The following GTPBP4 variants were observed in gnomAD, a reference collection of about 807,000 sequenced individuals.
The protein encoded by GTPBP4 is GTP-binding protein 4.
A neutral mutation model predicts 81.7 loss-of-function variants in GTPBP4; 15 were observed. That is an observed-to-expected ratio of 0.18 (90% CI 0.12 to 0.28). The LOEUF (loss-of-function observed/expected upper bound fraction) is 0.28, where lower values mean the gene tolerates loss of function less well. GTPBP4 is among the 10% of genes least tolerant of loss of function. GTPBP4 has a pLI of 1.00. For synonymous variants in GTPBP4, 272 were observed against 274.6 expected (o/e 0.99, Z 0.09); for missense variants, 847 against 793.8 (o/e 1.07, Z -0.81).
chr10:1,009,507 A>G (rs768505303), intron 11 of GTPBP4, 22 bp from the exon 12 acceptor site: 1 of 1,562,622 alleles, frequency 6.4e-7, no homozygotes, highest in East Asian at 2.2e-5. Context: ...GAAGCTGATG[A>G]TAATTTCTCT....
chr10:1,016,947 G>T, intron 16 of GTPBP4, 128 bp from the exon 17 acceptor site: 1 of 648,258 alleles, frequency 1.5e-6, no homozygotes, highest in East Asian at 2.8e-5. Context: ...AGAGAAAAGA[G>T]ATGTAACAGG....
intron 13 of GTPBP4, among the ~76,000 whole-genome samples, chr10:1,011,577 G>T (rs1831874714): frequency 7.0e-6 from 1 of 143,710 alleles, no homozygotes; most frequent in Admixed American, 7.0e-5. Context: ...CTTGCCATCT[G>T]CATGTCCCAT....
chr10:996,883 C>A (rs7918118), intron 4 of GTPBP4: 221,012 of 291,188 alleles, frequency 0.76, 84,649 homozygotes, highest in East Asian at 0.91. Context: ...TGCACTGGTT[C>A]CCTAATGTCA....
In GTPBP4 at chr10:1,010,469, A is replaced by G. The variant is rs772924651; in HGVS notation, c.1293A>G (p.Glu431=). 68 of 1,586,056 alleles carry G rather than the reference A, an allele frequency of 4.3e-5. No individual in the cohort carries two copies. Among genetic ancestry groups the G allele is most frequent in the Non-Finnish European group, 5.4e-5 (62 of 1,154,484 alleles). Residue 431 remains glutamate (E), a synonymous_variant, in exon 13 of 17, where the codon GAA becomes GAG. Transcript: ENST00000360803. ...NLSEKHDKIP[E]IWEGHNIADY... is the part of the protein sequence containing the mutation. ...CTGAAAAACATGATAAGATACCAGAAATCTGGGAAGGCCATAATATAGCTG... is the reference window on the plus strand; with the variant it reads ...CTGAAAAACATGATAAGATACCAGAGATCTGGGAAGGCCATAATATAGCTG...
In GTPBP4 at chr10:1,012,445, T is replaced by C; in HGVS notation, c.1345-20T>C. 1 of 1,570,274 alleles carries C rather than the reference T, an allele frequency of 6.4e-7. No individual in the cohort carries two copies. The highest frequency in any genetic ancestry group is 8.7e-7 in the Non-Finnish European group (1 of 1,150,080). The stretch of plus-strand genomic sequence containing the variant: ...TTTTCTCATTGTTAATTTTGCTTCA[T>C]TACAACTCCATTTTTAAAGAAATTG... On this transcript the variant is annotated intron_variant, in intron 13 of 16. Coordinates refer to ENST00000360803, the MANE Select transcript of GTPBP4 (RefSeq NM_012341.3).
chr10:1,004,405 G>T (rs903540977), intron 8 of GTPBP4, among the ~76,000 whole-genome samples: 1 of 152,114 alleles, frequency 6.6e-6, no homozygotes, highest in African/African-American at 2.4e-5. Flanking sequence ...GCGTGGTGGG[G>T]CAGGTGCCTC....
At chr10:989,349 G>A (rs1831401347) in intron 1 of GTPBP4, among the ~76,000 whole-genome samples, 1 of 152,030 alleles carries the variant, frequency 6.6e-6, no homozygotes, top group Non-Finnish European at 1.5e-5. Flanking sequence ...TCCTGATCCC[G>A]GGTGATCCTC....
chr10:1,004,080 G>A (rs1324462708), intron 8 of GTPBP4, among the ~76,000 whole-genome samples: 1 of 152,170 alleles, frequency 6.6e-6, no homozygotes, highest in Non-Finnish European at 1.5e-5. Flanking sequence ...CTCCAGGGAA[G>A]ACGCACTCTG....
chr10:992,088 G>A (rs1301637941), intron 1 of GTPBP4, among the ~76,000 whole-genome samples: 1 of 151,100 alleles, frequency 6.6e-6, no homozygotes, highest in Non-Finnish European at 1.5e-5. Context: ...ATGTAGTACT[G>A]TAAGATATTA....
In GTPBP4 at chr10:1,010,420, A is replaced by G. The variant is rs963326403; in HGVS notation, c.1244A>G (p.Lys415Arg). ...MGDDYILDLQ[K>R]YWDLMNLSEK... ...GTAACCACCTTTTTTTTAACTTTAG[A>G]GTACTGGGATTTAATGAATTTGTCT... The change falls in exon 13 of 17, where the codon AAG (lysine) becomes AGG (arginine). Residue 415 changes from lysine to arginine, a missense_variant and splice_region_variant. Physicochemically the swap from Lys to Arg is conservative, Grantham distance 26. Coordinates refer to ENST00000360803, the MANE Select transcript of GTPBP4 (RefSeq NM_012341.3). The G allele has an allele frequency of 1.3e-6, 2 of 1,487,602 alleles. No homozygotes were observed. Among genetic ancestry groups the G allele is most frequent in the Non-Finnish European group, 1.9e-6 (2 of 1,065,364 alleles). 92.2% of individuals were successfully genotyped at this position (1,487,602 alleles called of 1,614,324 possible). A position where few individuals can be genotyped will look rare whatever the true frequency, so the allele number is the denominator to read the frequency against.
intron 16 of GTPBP4, 103 bp downstream of exon 16, chr10:1,015,999 C>A: frequency 1.9e-6 from 2 of 1,077,790 alleles, no homozygotes; most frequent in Non-Finnish European, 2.7e-6. Flanking sequence ...GGAACTATGG[C>A]AGGGGTTGTG....
At chr10:1,011,567 C>T (rs1027587005) in intron 13 of GTPBP4, among the ~76,000 whole-genome samples, 9 of 152,204 alleles carry the variant, frequency 5.9e-5, no homozygotes, top group Admixed American at 5.2e-4. Flanking sequence ...TTATACAATA[C>T]TTGCCATCTG....
At chr10:1,009,139 A>G (rs1831805193) in intron 11 of GTPBP4, 104 bp downstream of exon 11, 1 of 790,260 alleles carries the variant, frequency 1.3e-6, no homozygotes, top group East Asian at 2.6e-5. Flanking sequence ...GGGTGCCCAG[A>G]CACTGGCCCC....
Position 1,000,771 on chromosome 10 carries a change from C to A in GTPBP4, c.749C>A (p.Ala250Glu). 6.2e-7 allele frequency: 1 copy of A among 1,609,044 alleles called. No homozygotes were observed. The highest frequency in any genetic ancestry group is 8.5e-7 in the Non-Finnish European group (1 of 1,177,382). Residue 250 changes from alanine (A) to glutamate (E), a missense_variant, in exon 7 of 17, where the codon GCG becomes GAG. Physicochemically the swap from Ala to Glu is moderately radical, Grantham distance 107. Coordinates refer to ENST00000360803, the MANE Select transcript of GTPBP4 (RefSeq NM_012341.3). ...AITALAHLRA[A>E]VLYVMDLSEQ... ...ACTGCCCTGGCCCACCTCCGTGCTG[C>A]GGTCCTGTATGTGATGGATTTGTCT...
intron 13 of GTPBP4, among the ~76,000 whole-genome samples, chr10:1,010,746 C>T (rs1304924144): frequency 6.7e-6 from 1 of 149,864 alleles, no homozygotes. Flanking sequence ...CCGCCTCCAC[C>T]CACCCACCCC....
chr10:1,004,451 G>A lies in GTPBP4; in HGVS notation c.913-1367G>A, dbSNP rs915032692. Among the ~76,000 whole-genome samples, 12 of 152,202 alleles carry A rather than the reference G, an allele frequency of 7.9e-5. 1 individual carries two copies. In the East Asian group the frequency reaches 1.7e-3, roughly 22 times the overall value. On this transcript the variant is annotated intron_variant, in intron 8 of 16. Transcript: ENST00000360803. ...CTGCCCTGTTTCCCTGGGGTGTGGA[G>A]TACAATGTCAGCTCCTCCCCATGGT...
intron 15 of GTPBP4, among the ~76,000 whole-genome samples, chr10:1,014,596 T>G (rs1282231358): frequency 6.6e-6 from 1 of 152,120 alleles, no homozygotes; most frequent in Non-Finnish European, 1.5e-5. Flanking sequence ...GAGGCAGAGA[T>G]TGCAGTGAGC....
chr10:1,014,379 G>A (rs1169630769), intron 15 of GTPBP4, 67 bp downstream of exon 15: 14 of 1,162,536 alleles, frequency 1.2e-5, no homozygotes, highest in Admixed American at 6.9e-5. Context: ...AAAACTGGCC[G>A]GGCGTGGTGG....
At chr10:1,008,550 T>C (rs1399087144) in intron 10 of GTPBP4, among the ~76,000 whole-genome samples, 3 of 152,230 alleles carry the variant, frequency 2.0e-5, no homozygotes, top group Non-Finnish European at 4.4e-5. Flanking sequence ...ATTGGAAATT[T>C]TATGTTTCCA....
Sources: gnomAD v4.1 joint callset for allele counts (sites outside exome capture counted in the v4.1 genomes callset) on GRCh38, gnomAD v4.1.1 for gene constraint, MANE v1.5 for transcripts, NCBI Gene and HGNC (gene_info 2026-07-23, HGNC 2026-07-21) for gene names.